KIAA1328: variants seen among roughly 807,000 people sequenced by gnomAD.
KIAA1328 encodes the protein KIAA1328.
Under a neutral mutation model 68.1 loss-of-function variants are expected in KIAA1328, and 52 were observed. The observed-to-expected ratio is 0.76, with a 90% CI of 0.61 to 0.96. KIAA1328 has a LOEUF of 0.96. Ranked by LOEUF, KIAA1328 falls within the 40% of genes least tolerant of loss-of-function variation. The probability of loss-of-function intolerance (pLI) is 0.00; values close to 1 mark genes in which losing one functional copy is unlikely to be tolerated. For synonymous variants in KIAA1328, 232 were observed against 239.4 expected (o/e 0.97, Z 0.28); for missense variants, 641 against 677.6 (o/e 0.95, Z 0.60).
At chr18:36,978,521 T>C (rs2052560743) in intron 6 of KIAA1328, among the ~76,000 whole-genome samples, 1 of 152,254 alleles carries the variant, frequency 6.6e-6, no homozygotes, top group South Asian at 2.1e-4. Flanking sequence ...GTAACTCTTC[T>C]GCTCATGAGA....
chr18:36,961,823 C>T (rs1247091705), intron 6 of KIAA1328, among the ~76,000 whole-genome samples: 1 of 152,176 alleles, frequency 6.6e-6, no homozygotes. Flanking sequence ...GAGCACTAAA[C>T]ATGGAAGGGA....
chr18:36,953,429 T>G (rs1000139794), intron 5 of KIAA1328, among the ~76,000 whole-genome samples: 1 of 149,730 alleles, frequency 6.7e-6, no homozygotes, highest in African/African-American at 2.4e-5. Context: ...TAGAGATAGA[T>G]AGATATATAA....
At chr18:36,847,799 G>T (rs2047078028) in intron 4 of KIAA1328, among the ~76,000 whole-genome samples, 1 of 151,450 alleles carries the variant, frequency 6.6e-6, no homozygotes, top group African/African-American at 2.4e-5. Flanking sequence ...CTCTATATAT[G>T]AAATTCTGCC....
intron 6 of KIAA1328, among the ~76,000 whole-genome samples, chr18:37,028,800 C>G (rs1031670882): frequency 5.3e-5 from 8 of 152,050 alleles, no homozygotes; most frequent in Admixed American, 3.3e-4. Flanking sequence ...GGTTTTAGTT[C>G]TGTTTATGTG....
chr18:36,922,467 G>A (rs1238159958), intron 5 of KIAA1328, among the ~76,000 whole-genome samples: 1 of 152,088 alleles, frequency 6.6e-6, no homozygotes, highest in African/African-American at 2.4e-5. Context: ...ACATCATCAT[G>A]GGAAATTTTT....
rs562438432 is a variant in KIAA1328, at chr18:37,110,051, TAA to T, written c.1232+42520_1232+42521del. On this transcript the variant is annotated intron_variant, in intron 7 of 9. Coordinates refer to ENST00000280020, the MANE Select transcript of KIAA1328 (RefSeq NM_020776.3). ...AGTGGACTTGAAGATGTCAGCTGGT[TAA>T]AAAAAAAAAAAAATCACTTATTTTT... 1.2e-3 allele frequency among the ~76,000 whole-genome samples: 165 copies of T among 142,360 alleles called. 1 individual carries two copies. The highest frequency in any genetic ancestry group is 3.9e-3 in the African/African-American group (153 of 38,780). The allele number at this position is 142,360 out of a possible 152,430, so 93.4% of individuals were successfully genotyped here.
intron 4 of KIAA1328, among the ~76,000 whole-genome samples, chr18:36,867,257 A>G (rs1386838438): frequency 6.6e-6 from 1 of 152,166 alleles, no homozygotes; most frequent in Non-Finnish European, 1.5e-5. Context: ...TTAAACAACA[A>G]CAGAATCTCA....
chr18:37,131,704 G>A (rs1056419000), intron 7 of KIAA1328, among the ~76,000 whole-genome samples: 11 of 152,204 alleles, frequency 7.2e-5, no homozygotes, highest in African/African-American at 2.6e-4. Context: ...ATACAGTAGT[G>A]CCTGTAGCAA....
intron 7 of KIAA1328, among the ~76,000 whole-genome samples, chr18:37,128,466 C>A (rs984205854): frequency 1.3e-5 from 2 of 152,170 alleles, no homozygotes; most frequent in Admixed American, 1.3e-4. Flanking sequence ...GAGCAAGATC[C>A]TGTCTCAAAC....
chr18:37,218,525 T>C (rs565370176), intron 9 of KIAA1328, among the ~76,000 whole-genome samples: 6 of 152,184 alleles, frequency 3.9e-5, no homozygotes, highest in African/African-American at 1.4e-4. Context: ...AGTAGTGAGC[T>C]AGAGTAAAAA....
At chr18:37,158,341 CA>C (rs1464215959) in intron 7 of KIAA1328, among the ~76,000 whole-genome samples, 17 of 152,124 alleles carry the variant, frequency 1.1e-4, no homozygotes, top group African/African-American at 4.1e-4. Context: ...AAGTCACTCA[CA>C]AAAAGGTGAT....
Position 37,067,144 on chromosome 18 carries a change from A to C in KIAA1328, c.831A>C (p.Lys277Asn), listed in dbSNP as rs561248590. ...TTCNCESPGRKPAVPTEKMPQ... is the reference protein window; with the variant it reads ...TTCNCESPGRNPAVPTEKMPQ... The stretch of plus-strand genomic sequence containing the variant: ...GTAATTGTGAATCTCCAGGGAGAAA[A>C]CCTGCAGTCCCAACAGAGAAAATGC... Residue 277 changes from lysine (K) to asparagine (N), a missense_variant, in exon 7 of 10, where the codon AAA becomes AAC. Coordinates refer to ENST00000280020, the MANE Select transcript of KIAA1328 (RefSeq NM_020776.3). 3 of 1,614,022 alleles carry C rather than the reference A, an allele frequency of 1.9e-6. No homozygotes were observed. In the African/African-American group the frequency reaches 4.0e-5, roughly 22 times the overall value.
At chr18:36,840,458 A>ATT (rs199672374) in intron 3 of KIAA1328, among the ~76,000 whole-genome samples, 15 of 133,250 alleles carry the variant, frequency 1.1e-4, no homozygotes, top group Non-Finnish European at 1.6e-4. Context: ...ATGTCTTGTG[A>ATT]TTTTTTTTTT....
intron 6 of KIAA1328, among the ~76,000 whole-genome samples, chr18:37,038,676 T>C (rs1285321716): frequency 1.3e-5 from 2 of 152,166 alleles, no homozygotes; most frequent in Admixed American, 1.3e-4. Context: ...TCACTTTCTT[T>C]TCATAATGTA....
chr18:36,992,947 T>C (rs1165758231), intron 6 of KIAA1328, among the ~76,000 whole-genome samples: 1 of 151,886 alleles, frequency 6.6e-6, no homozygotes, highest in East Asian at 1.9e-4. Flanking sequence ...CTACAAAAAA[T>C]ACCAAAAAAA....
chr18:36,860,467 G>GT (rs2047529170), intron 4 of KIAA1328, among the ~76,000 whole-genome samples: 1 of 151,580 alleles, frequency 6.6e-6, no homozygotes, highest in Non-Finnish European at 1.5e-5. Context: ...TTTTTTCATT[G>GT]TTGTTAAATG....
chr18:36,835,867 C>A (rs1055268105), intron 3 of KIAA1328, among the ~76,000 whole-genome samples: 1 of 152,134 alleles, frequency 6.6e-6, no homozygotes, highest in African/African-American at 2.4e-5. Flanking sequence ...CCTCTGCAAC[C>A]AGAGTTGTTC....
chr18:37,209,431 G>A (rs1446446679), intron 9 of KIAA1328, among the ~76,000 whole-genome samples: 4 of 151,998 alleles, frequency 2.6e-5, no homozygotes, highest in African/African-American at 4.8e-5. Context: ...AGCCCATACC[G>A]TTGGGGCAAT....
In KIAA1328 at chr18:36,911,505, AC is replaced by A. The variant is rs1185043032; in HGVS notation, c.448+25835del. 4.1e-4 allele frequency among the ~76,000 whole-genome samples: 62 copies of A among 152,282 alleles called. 1 individual carries two copies. Among genetic ancestry groups the A allele is most frequent in the Non-Finnish European group, 2.4e-4 (16 of 68,008 alleles). On this transcript the variant is annotated intron_variant, in intron 5 of 9. Transcript: ENST00000280020. ...TTCTCTTTAGGTTTAACTTTCTACT[AC>A]CTCAGTGTAACCTTGTACAAAAGCA... is the stretch of plus-strand genomic sequence containing the variant.
Sources: allele counts gnomAD v4.1 joint callset (sites outside exome capture counted in the v4.1 genomes callset), GRCh38; gene constraint gnomAD v4.1.1; transcripts MANE v1.5; gene names NCBI Gene and HGNC (gene_info 2026-07-23, HGNC 2026-07-21).